The following GABRA4 variants were observed in gnomAD, a reference collection of about 807,000 sequenced individuals.
GABRA4 encodes gamma-aminobutyric acid receptor subunit alpha-4.
GABRA4 carries 12 observed loss-of-function variants against 49.7 expected under a neutral mutation model. That is an observed-to-expected ratio of 0.24 (90% CI 0.15 to 0.39). GABRA4 has a LOEUF of 0.39. Ranked by LOEUF, GABRA4 falls within the 10% of genes least tolerant of loss-of-function variation. The probability of loss-of-function intolerance (pLI) is 1.00; values close to 1 mark genes in which losing one functional copy is unlikely to be tolerated. For synonymous variants in GABRA4, 288 were observed against 240.2 expected (o/e 1.20, Z -1.84); for missense variants, 506 against 686.0 (o/e 0.74, Z 2.93).
Position 46,978,486 on chromosome 4 carries a change from G to T in GABRA4, c.273+545C>A, listed in dbSNP as rs180874454. Among the ~76,000 whole-genome samples, 30 of 151,404 alleles carry T rather than the reference G, an allele frequency of 2.0e-4. No homozygotes were observed. The East Asian group carries it at 5.3e-3, about 27-fold the overall frequency. On this transcript the variant is annotated intron_variant, in intron 3 of 8. Coordinates refer to ENST00000264318, the MANE Select transcript of GABRA4 (RefSeq NM_000809.4). ...GAGGATCACCTGAGGTCAGGAGTTC[G>T]AGACCAGCCTGACCAACATGGAGAC...
At chr4:46,975,999 AG>A (rs1723127841) in intron 5 of GABRA4, among the ~76,000 whole-genome samples, 1 of 151,970 alleles carries the variant, frequency 6.6e-6, no homozygotes, top group Admixed American at 6.6e-5. Context: ...TGATAACAGC[AG>A]GCAACAGTTT....
At position 46,928,414 on chromosome 4, in the gene GABRA4, G is replaced by A. The variant is rs1721311291; in HGVS notation, c.1476C>T (p.Thr492=). 6.2e-7 allele frequency: 1 copy of A among 1,613,552 alleles called. No homozygotes were observed. Among genetic ancestry groups the A allele is most frequent in the African/African-American group, 1.3e-5 (1 of 74,894 alleles). Residue 492 remains threonine (T), a synonymous_variant, in exon 9 of 9, where the codon ACC becomes ACT. Coordinates refer to ENST00000264318, the MANE Select transcript of GABRA4 (RefSeq NM_000809.4). ...CTGACAACTTCCCAGTAGCCCCTAT[G>A]GTATTAACTGTGGTCTTTATCCTCT... ...RLQRIKTTVN[T]IGATGKLSAT... is the part of the protein sequence containing the mutation.
chr4:46,956,385 G>A (rs137883036), intron 8 of GABRA4, among the ~76,000 whole-genome samples: 1 of 152,132 alleles, frequency 6.6e-6, no homozygotes, highest in East Asian at 1.9e-4. Flanking sequence ...ACTATTTAAA[G>A]AACAGCATTT....
Position 46,965,047 on chromosome 4 carries a change from T to G in GABRA4, c.1057A>C (p.Arg353=), listed in dbSNP as rs1027378674. Residue 353 remains arginine, a synonymous_variant, in exon 8 of 9, where the codon AGG becomes CGG. Coordinates refer to ENST00000264318, the MANE Select transcript of GABRA4 (RefSeq NM_000809.4). ...TCCTGAGGGGGCTTTGATGTCTTCC[T>G]TTTGGCTTTTTCCATTTGAATATTG... ...FTNIQMEKAK[R]KTSKPPQEVP... The G allele has an allele frequency of 6.2e-7, 1 of 1,611,966 alleles. No homozygotes were observed. Among genetic ancestry groups the G allele is most frequent in the Non-Finnish European group, 8.5e-7 (1 of 1,178,818 alleles).
In GABRA4 at chr4:46,992,853, G is replaced by A; in HGVS notation, c.180C>T (p.Asp60=). 2 of 1,613,724 alleles carry A rather than the reference G, an allele frequency of 1.2e-6. No homozygotes were observed. The highest frequency in any genetic ancestry group is 1.7e-6 in the Non-Finnish European group (2 of 1,179,852). The change falls in exon 2 of 9, where the codon GAC becomes GAT. Residue 60 remains aspartate, a synonymous_variant. Transcript: ENST00000264318. The part of the protein sequence containing the change: ...RILDSLLDGY[D]NRLRPGFGGP... ...CCCCAAATCCAGGACGCAGCCTGTT[G>A]TCATAACCATCGAGCAAACTGTCCA... is the stretch of plus-strand genomic sequence containing the variant.
intron 5 of GABRA4, among the ~76,000 whole-genome samples, chr4:46,976,022 C>T (rs527290781): frequency 1.3e-5 from 2 of 151,714 alleles, no homozygotes; most frequent in Non-Finnish European, 2.9e-5. Flanking sequence ...ACAATCAGTG[C>T]GACTAAGAAT....
In GABRA4 at chr4:46,923,243, A is replaced by G. The variant is rs574735822; in HGVS notation, c.*4982T>C. 6.6e-6 allele frequency: 1 copy of G among 152,132 alleles called. No individual in the cohort carries two copies. The highest frequency in any genetic ancestry group is 1.5e-5 in the Non-Finnish European group (1 of 68,016). 9.4% of individuals were successfully genotyped at this position (152,132 alleles called of 1,614,324 possible). A position where few individuals can be genotyped will look rare whatever the true frequency, so the allele number is the denominator to read the frequency against. On this transcript the variant is annotated 3_prime_UTR_variant, in exon 9 of 9. Coordinates refer to ENST00000264318, the MANE Select transcript of GABRA4 (RefSeq NM_000809.4). ...TGAAATAAAGATTGAAACCTGGGATAAAAAGCTCTGACTCTCTAAATCTCT... is the reference window on the plus strand; with the variant it reads ...TGAAATAAAGATTGAAACCTGGGATGAAAAGCTCTGACTCTCTAAATCTCT...
intron 8 of GABRA4, among the ~76,000 whole-genome samples, chr4:46,932,903 T>C (rs1721489263): frequency 6.6e-6 from 1 of 152,178 alleles, no homozygotes; most frequent in South Asian, 2.1e-4. Context: ...TTGTATGTCA[T>C]GCTTTTGACA....
At chr4:46,969,768 C>A (rs1722886030) in intron 7 of GABRA4, among the ~76,000 whole-genome samples, 2 of 151,314 alleles carry the variant, frequency 1.3e-5, no homozygotes, top group South Asian at 4.1e-4. Flanking sequence ...GGGTTTAAAC[C>A]TAGACTTGCT....
At position 46,977,662 on chromosome 4, in the gene GABRA4, T is replaced by TCC. The variant is rs763257377; in HGVS notation, c.274-33_274-32insGG. 4 of 1,437,738 alleles carry TCC rather than the reference T, an allele frequency of 2.8e-6. No individual in the cohort carries two copies. The East Asian group carries it at 9.2e-5, about 33-fold the overall frequency. 89.1% of individuals were successfully genotyped at this position (1,437,738 alleles called of 1,614,324 possible). A position where few individuals can be genotyped will look rare whatever the true frequency, so the allele number is the denominator to read the frequency against. On this transcript the variant is annotated intron_variant, in intron 3 of 8. Transcript: ENST00000264318. ...CAATTATTTTGGAACATATTTAAGT[T>TCC]GCAAATGACTACACATAAGTATGTG...
chr4:46,946,775 A>T (rs1721994789), intron 8 of GABRA4, among the ~76,000 whole-genome samples: 1 of 152,138 alleles, frequency 6.6e-6, no homozygotes, highest in African/African-American at 2.4e-5. Context: ...TTTATGAAAG[A>T]CTAAGCACTG....
chr4:46,978,693 A>AT (rs1723236072), intron 3 of GABRA4, among the ~76,000 whole-genome samples: 1 of 140,038 alleles, frequency 7.1e-6, no homozygotes, highest in Non-Finnish European at 1.6e-5. Flanking sequence ...ATCTCAAAAA[A>AT]AAAAAAAAAA....
intron 6 of GABRA4, 135 bp downstream of exon 6, chr4:46,974,097 C>G: frequency 2.8e-6 from 2 of 715,102 alleles, no homozygotes; most frequent in South Asian, 4.8e-5. Context: ...TGAGCTATAA[C>G]TCATGCATCA....
In GABRA4 at chr4:46,922,431, A is replaced by G. The variant is rs1253844421; in HGVS notation, c.*5794T>C. ...AAATAGCTGGCTCTGCTCAGTGATTAATAGAAAGAAACCAGCCCCAAAAAT... is the reference window on the plus strand; with the variant it reads ...AAATAGCTGGCTCTGCTCAGTGATTGATAGAAAGAAACCAGCCCCAAAAAT... On this transcript the variant is annotated 3_prime_UTR_variant, in exon 9 of 9. Transcript: ENST00000264318. The G allele has an allele frequency of 2.0e-5, 3 of 152,096 alleles. No individual in the cohort carries two copies. Among genetic ancestry groups the G allele is most frequent in the Non-Finnish European group, 4.4e-5 (3 of 68,026 alleles). The allele number at this position is 152,096 out of a possible 1,614,324, so 9.4% of individuals were successfully genotyped here.
rs1245207419 is a variant in GABRA4 at position 46,972,930 on chromosome 4, C to G, written c.721+1302G>C. Among the ~76,000 whole-genome samples, 3 of 151,698 alleles carry G rather than the reference C, an allele frequency of 2.0e-5. No individual in the cohort carries two copies. In the East Asian group the frequency reaches 5.8e-4, roughly 29 times the overall value. On this transcript the variant is annotated intron_variant, in intron 6 of 8. Transcript: ENST00000264318. ...TCCAGATCTTAAAACTACTCATTTT[C>G]TACTAATGCAGTCTTAGCATTTTAT...
chr4:46,948,310 A>G (rs1025092972), intron 8 of GABRA4, among the ~76,000 whole-genome samples: 3 of 152,102 alleles, frequency 2.0e-5, no homozygotes, highest in Non-Finnish European at 2.9e-5. Context: ...ATTAAACTTT[A>G]TCATAAATAA....
intron 8 of GABRA4, among the ~76,000 whole-genome samples, chr4:46,964,282 G>A (rs1051517524): frequency 6.6e-6 from 1 of 151,764 alleles, no homozygotes; most frequent in African/African-American, 2.4e-5. Context: ...GCGGGAGTTT[G>A]GTGGAGGGAA....
At chr4:46,931,520 A>T (rs540055983) in intron 8 of GABRA4, among the ~76,000 whole-genome samples, 1 of 152,210 alleles carries the variant, frequency 6.6e-6, no homozygotes, top group African/African-American at 2.4e-5. Context: ...CAAAAGTGAC[A>T]CCAATTCATC....
At chr4:46,964,405 TAAAG>T (rs1360886248) in intron 8 of GABRA4, among the ~76,000 whole-genome samples, 1 of 151,794 alleles carries the variant, frequency 6.6e-6, no homozygotes, top group Non-Finnish European at 1.5e-5. Flanking sequence ...TGAAATAACT[TAAAG>T]AATGTACTTG....
Sources: gnomAD v4.1 joint callset for allele counts (sites outside exome capture counted in the v4.1 genomes callset) on GRCh38, gnomAD v4.1.1 for gene constraint, MANE v1.5 for transcripts, NCBI Gene and HGNC (gene_info 2026-07-23, HGNC 2026-07-21) for gene names.